The following CEP112 variants were observed in gnomAD, a reference collection of about 807,000 sequenced individuals.
CEP112 encodes centrosomal protein 112, also known as centrosomal protein of 112 kDa.
A neutral mutation model predicts 153.0 loss-of-function variants in CEP112; 127 were observed. The ratio of observed to expected loss-of-function variants is 0.83; its 90% CI spans 0.72 to 0.96. CEP112 has a LOEUF of 0.96. Among genes scored for constraint, CEP112 ranks in the 40% least tolerant of loss-of-function variants. The pLI, the probability that CEP112 is intolerant of heterozygous loss-of-function variation, is 0.00. For synonymous variants in CEP112, 358 were observed against 374.4 expected (o/e 0.96, Z 0.51); for missense variants, 1,089 against 1,101.2 (o/e 0.99, Z 0.16).
At chr17:66,013,274 G>A (rs1275063368) in intron 16 of CEP112, among the ~76,000 whole-genome samples, 3 of 152,186 alleles carry the variant, frequency 2.0e-5, no homozygotes, top group Non-Finnish European at 4.4e-5. Context: ...GGTGTCTGTA[G>A]GTAAGAAGAC....
At chr17:65,838,433 T>C (rs1397577460) in intron 21 of CEP112, among the ~76,000 whole-genome samples, 2 of 152,072 alleles carry the variant, frequency 1.3e-5, no homozygotes, top group Non-Finnish European at 2.9e-5. Flanking sequence ...CAAAGAGAAA[T>C]GTTAAAATTT....
chr17:66,169,187 G>A (rs1303892315), intron 4 of CEP112, among the ~76,000 whole-genome samples: 1 of 151,230 alleles, frequency 6.6e-6, no homozygotes, highest in African/African-American at 2.4e-5. Flanking sequence ...CTGTAATTTA[G>A]AAGTCCACAT....
intron 12 of CEP112, among the ~76,000 whole-genome samples, chr17:66,037,661 C>CATAAA (rs1415475977): frequency 2.0e-5 from 3 of 151,960 alleles, no homozygotes; most frequent in African/African-American, 7.3e-5. Context: ...ACTCTAGTAC[C>CATAAA]ATAAAAGTAT....
At chr17:65,847,611 C>T (rs2057775403) in intron 21 of CEP112, among the ~76,000 whole-genome samples, 1 of 152,156 alleles carries the variant, frequency 6.6e-6, no homozygotes, top group South Asian at 2.1e-4. Flanking sequence ...AGGGCACCTG[C>T]CCCGAGCTGG....
chr17:65,980,140 C>T (rs571772880), intron 17 of CEP112, among the ~76,000 whole-genome samples: 7 of 152,190 alleles, frequency 4.6e-5, no homozygotes, highest in Non-Finnish European at 4.4e-5. Flanking sequence ...TCCATTGGGG[C>T]GTTTTCATTT....
chr17:66,121,467 T>C (rs147679447), intron 6 of CEP112, among the ~76,000 whole-genome samples: 1 of 152,322 alleles, frequency 6.6e-6, no homozygotes, highest in Non-Finnish European at 1.5e-5. Flanking sequence ...CCTCTTGTTC[T>C]GGTACCCGCA....
chr17:65,664,973 G>A (rs1354127101), intron 24 of CEP112, among the ~76,000 whole-genome samples: 1 of 152,164 alleles, frequency 6.6e-6, no homozygotes, highest in Non-Finnish European at 1.5e-5. Flanking sequence ...TCCTCACATG[G>A]CAGAGACAGT....
rs182978982 is a variant in CEP112, at chr17:66,164,861, A to T, written c.470+10183T>A. The stretch of plus-strand genomic sequence containing the variant: ...CAAAGTGAAACTCCATCTCAAAAAA[A>T]ATATATATATATATACACACATATA... On this transcript the variant is annotated intron_variant, in intron 4 of 26. Transcript: ENST00000535342. 8.3e-3 allele frequency among the ~76,000 whole-genome samples: 1,203 copies of T among 144,776 alleles called. 15 individuals are homozygous for T. Among genetic ancestry groups the T allele is most frequent in the African/African-American group, 0.028 (1,086 of 39,238 alleles). The allele number at this position is 144,776 out of a possible 152,430, so 95.0% of individuals were successfully genotyped here.
At chr17:66,016,556 C>A (rs2064783764) in intron 16 of CEP112, among the ~76,000 whole-genome samples, 1 of 152,012 alleles carries the variant, frequency 6.6e-6, no homozygotes. Context: ...TGTTACACAG[C>A]CTGCTTCACT....
At position 66,176,831 on chromosome 17, in the gene CEP112, A is replaced by G; in HGVS notation, c.296T>C (p.Met99Thr). 6.2e-7 allele frequency: 1 copy of G among 1,600,604 alleles called. No individual in the cohort carries two copies. Among genetic ancestry groups the G allele is most frequent in the Non-Finnish European group, 8.5e-7 (1 of 1,173,946 alleles). The change falls in exon 3 of 27, where the codon ATG becomes ACG. Residue 99 changes from methionine (M) to threonine (T), a missense_variant and splice_region_variant. Transcript: ENST00000535342. ...PGTLKILPSY[M>T]SIYFDEPNPA... ...TACCTTTTGTTCATTGATACCTACC[A>G]TGTATGAAGGTAGAATTTTTAGTGT...
At chr17:66,077,250 A>C (rs2146137897) in intron 8 of CEP112, among the ~76,000 whole-genome samples, 1 of 152,316 alleles carries the variant, frequency 6.6e-6, no homozygotes, top group East Asian at 1.9e-4. Flanking sequence ...TTATTAAGCC[A>C]ATCAGGGAGG....
At chr17:66,045,069 A>AAC (rs1275909383) in intron 12 of CEP112, among the ~76,000 whole-genome samples, 2 of 136,988 alleles carry the variant, frequency 1.5e-5, no homozygotes, top group African/African-American at 6.8e-5. Flanking sequence ...GCTAGAAACA[A>AAC]AAAAAAAATT....
At chr17:65,693,801 G>A (rs1482858098) in intron 23 of CEP112, among the ~76,000 whole-genome samples, 9 of 152,142 alleles carry the variant, frequency 5.9e-5, no homozygotes, top group Non-Finnish European at 1.5e-5. Flanking sequence ...AAGGTTATTA[G>A]GAGACAGGAC....
intron 4 of CEP112, among the ~76,000 whole-genome samples, chr17:66,152,237 A>T (rs1218118501): frequency 1.3e-5 from 2 of 152,180 alleles, no homozygotes; most frequent in Non-Finnish European, 2.9e-5. Flanking sequence ...GTGGGGCTCA[A>T]GAGGAAGTAA....
intron 21 of CEP112, among the ~76,000 whole-genome samples, chr17:65,832,501 T>C (rs1176792799): frequency 6.7e-6 from 1 of 149,854 alleles, no homozygotes; most frequent in Non-Finnish European, 1.5e-5. Context: ...ATAAACACAA[T>C]TAGAAATGAC....
chr17:65,932,676 G>A (rs1352057155), intron 18 of CEP112, among the ~76,000 whole-genome samples: 1 of 152,170 alleles, frequency 6.6e-6, no homozygotes, highest in Non-Finnish European at 1.5e-5. Context: ...CACATGGCTA[G>A]AGTAGGAGCA....
chr17:65,908,651 G>A (rs935657124), intron 19 of CEP112, among the ~76,000 whole-genome samples: 4 of 150,762 alleles, frequency 2.7e-5, no homozygotes, highest in Non-Finnish European at 5.9e-5. Context: ...CCAAGATCAC[G>A]CCATTGCACT....
chr17:65,638,512 G>A (rs767273058), intron 25 of CEP112, among the ~76,000 whole-genome samples: 1 of 152,150 alleles, frequency 6.6e-6, no homozygotes, highest in African/African-American at 2.4e-5. Flanking sequence ...TTCTAAGTGG[G>A]TGCATCTCAA....
intron 4 of CEP112, among the ~76,000 whole-genome samples, chr17:66,133,866 A>G (rs978049153): frequency 5.3e-5 from 8 of 152,232 alleles, no homozygotes; most frequent in African/African-American, 1.9e-4. Context: ...AACTCACAGA[A>G]TAACATTCCT....
Sources: gnomAD v4.1 joint callset for allele counts (sites outside exome capture counted in the v4.1 genomes callset) on GRCh38, gnomAD v4.1.1 for gene constraint, MANE v1.5 for transcripts, NCBI Gene and HGNC (gene_info 2026-07-23, HGNC 2026-07-21) for gene names.